Variants in CFAP97D2 observed in about 807,000 individuals in gnomAD.
CFAP97D2 encodes the protein uncharacterized protein CFAP97D2.
At chr13:114,210,627 G>A (rs2080962485) in intron 3 of CFAP97D2, among the ~76,000 whole-genome samples, 2 of 151,960 alleles carry the variant, frequency 1.3e-5, no homozygotes, top group South Asian at 2.1e-4. Context: ...CATGGGCAAC[G>A]TTGCCCAGCA....
Position 114,189,629 on chromosome 13 carries a change from C to A in CFAP97D2, c.91-6767C>A, listed in dbSNP as rs554118481. On this transcript the variant is annotated intron_variant, in intron 1 of 4. Coordinates refer to ENST00000646158, the Ensembl canonical transcript of CFAP97D2. This position sits in a 1 kb window ranked among gnomAD's most constrained non-coding sequence, Gnocchi z 4.5. ...TATAAAAAGTATTATATGCCATGACCAAGTGGGATTCATTCCAGGTATGCA... is the reference window on the plus strand; with the variant it reads ...TATAAAAAGTATTATATGCCATGACAAAGTGGGATTCATTCCAGGTATGCA... Among the ~76,000 whole-genome samples, 12 of 152,186 alleles carry A rather than the reference C, an allele frequency of 7.9e-5. No homozygotes were observed. Among genetic ancestry groups the A allele is most frequent in the African/African-American group, 2.9e-4 (12 of 41,526 alleles).
intron 2 of CFAP97D2, among the ~76,000 whole-genome samples, chr13:114,197,555 A>G (rs1177519517): frequency 6.6e-6 from 1 of 152,184 alleles, no homozygotes; most frequent in Non-Finnish European, 1.5e-5. Flanking sequence ...TGTGGTTTAC[A>G]TGACCCATCA....
At chr13:114,206,374 A>G (rs2080940361) in intron 3 of CFAP97D2, among the ~76,000 whole-genome samples, 1 of 152,198 alleles carries the variant, frequency 6.6e-6, no homozygotes, top group African/African-American at 2.4e-5. Context: ...AAGTGCTGGG[A>G]TTACAGGCGT....
intron 1 of CFAP97D2, among the ~76,000 whole-genome samples, chr13:114,183,895 C>T (rs1013892351): frequency 6.6e-6 from 1 of 152,216 alleles, no homozygotes; most frequent in Non-Finnish European, 1.5e-5. Flanking sequence ...TGCCTGTAAT[C>T]CCAGCACTTT....
chr13:114,180,869 G>C (rs1308669397), intron 1 of CFAP97D2, among the ~76,000 whole-genome samples: 1 of 152,236 alleles, frequency 6.6e-6, no homozygotes, highest in Non-Finnish European at 1.5e-5. Context: ...GAGTAACCAG[G>C]CTCTGTACCT....
At chr13:114,190,141 T>TA (rs34812100) in intron 1 of CFAP97D2, among the ~76,000 whole-genome samples, 2,161 of 148,172 alleles carry the variant, frequency 0.015, 43 homozygotes, top group African/African-American at 0.045. Context: ...GGCCCCGTCT[T>TA]AAAAAAAAAA....
intron 3 of CFAP97D2, among the ~76,000 whole-genome samples, chr13:114,210,100 T>A (rs1420382231): frequency 6.6e-6 from 1 of 152,216 alleles, no homozygotes; most frequent in Non-Finnish European, 1.5e-5. Context: ...TTTTGTATAT[T>A]TTCTGCATTT....
At chr13:114,184,566 AG>A (rs1175579172) in intron 1 of CFAP97D2, among the ~76,000 whole-genome samples, 1 of 152,234 alleles carries the variant, frequency 6.6e-6, no homozygotes, top group African/African-American at 2.4e-5. Flanking sequence ...ACCAGGAAAA[AG>A]TGTAGGGAGA....
At chr13:114,217,814 A>C (rs2081002397) in intron 4 of CFAP97D2, among the ~76,000 whole-genome samples, 1 of 152,244 alleles carries the variant, frequency 6.6e-6, no homozygotes. Context: ...GGCCTTTGAC[A>C]AAATTCAACA....
chr13:114,212,481 G>C (rs2080971543), intron 4 of CFAP97D2, among the ~76,000 whole-genome samples: 1 of 152,022 alleles, frequency 6.6e-6, no homozygotes, highest in Non-Finnish European at 1.5e-5. Context: ...TTGGGAGGCT[G>C]AGGTAGGAGC....
At chr13:114,197,091 T>C (rs2080891671) in intron 2 of CFAP97D2, among the ~76,000 whole-genome samples, 1 of 152,054 alleles carries the variant, frequency 6.6e-6, no homozygotes, top group East Asian at 1.9e-4. Context: ...TCAGGGGAAA[T>C]AGACTGTAAA....
rs112736892 is a variant in CFAP97D2 at position 114,212,283 on chromosome 13, T to C, written c.480+182T>C. On this transcript the variant is annotated intron_variant, in intron 4 of 4. Coordinates refer to ENST00000646158, the Ensembl canonical transcript of CFAP97D2. ...GTAACAGGAGATGCAAAACAGTCACTCAGCTGATGACCTCACCCACCACGC... is the reference window on the plus strand; with the variant it reads ...GTAACAGGAGATGCAAAACAGTCACCCAGCTGATGACCTCACCCACCACGC... 2.1e-3 allele frequency: 825 copies of C among 391,508 alleles called. 10 individuals carry two copies. The highest frequency in any genetic ancestry group is 0.015 in the African/African-American group (754 of 48,646). 24.3% of individuals were successfully genotyped at this position (391,508 alleles called of 1,614,324 possible).
At chr13:114,209,715 G>A (rs747215407) in intron 3 of CFAP97D2, among the ~76,000 whole-genome samples, 1 of 152,196 alleles carries the variant, frequency 6.6e-6, no homozygotes, top group Non-Finnish European at 1.5e-5. Context: ...ATTTAAGCAC[G>A]GTAAAAGAAA....
intron 3 of CFAP97D2, among the ~76,000 whole-genome samples, chr13:114,208,450 T>A (rs2080951349): frequency 6.6e-6 from 1 of 152,220 alleles, no homozygotes. Flanking sequence ...AATAATTCTT[T>A]AACCATGACA....
intron 2 of CFAP97D2, 150 bp downstream of exon 2, chr13:114,196,626 C>T (rs2080888729): frequency 2.5e-6 from 1 of 394,638 alleles, no homozygotes; most frequent in Non-Finnish European, 4.5e-6. Context: ...CCCGTCTGTC[C>T]GTGAGGGAGC....
intron 3 of CFAP97D2, among the ~76,000 whole-genome samples, chr13:114,204,505 A>G (rs2080931065): frequency 6.6e-6 from 1 of 152,216 alleles, no homozygotes; most frequent in African/African-American, 2.4e-5. Flanking sequence ...GCATTAAGAT[A>G]GACATATAAA....
intron 3 of CFAP97D2, among the ~76,000 whole-genome samples, chr13:114,201,357 G>C (rs2080917255): frequency 6.6e-6 from 1 of 152,184 alleles, no homozygotes; most frequent in African/African-American, 2.4e-5. Context: ...GCTTATAGTA[G>C]TTTCAGATTT....
rs2080928719 is a variant in CFAP97D2, at chr13:114,203,854, G to A, written c.290+3411G>A. Among the ~76,000 whole-genome samples, 1 of 152,210 alleles carries A rather than the reference G, an allele frequency of 6.6e-6. No homozygotes were observed. The highest frequency in any genetic ancestry group is 1.5e-5 in the Non-Finnish European group (1 of 68,038). On this transcript the variant is annotated intron_variant, in intron 3 of 4. Transcript: ENST00000646158. This position sits in a 1 kb window ranked among gnomAD's most constrained non-coding sequence, Gnocchi z 4.3. ...TTGTCAGATGGGGCAGAGATTCTGG[G>A]CATTTGGCTGTCTCAAACCCAATCT... is the stretch of plus-strand genomic sequence containing the variant.
intron 3 of CFAP97D2, among the ~76,000 whole-genome samples, chr13:114,209,420 C>T (rs968049711): frequency 6.6e-6 from 1 of 152,340 alleles, no homozygotes; most frequent in East Asian, 1.9e-4. Context: ...TCAGTTAAAA[C>T]GATGTCTCAA....
Sources: allele counts gnomAD v4.1 joint callset (sites outside exome capture counted in the v4.1 genomes callset), GRCh38; gene constraint gnomAD v4.1.1; non-coding constraint Gnocchi (gnomAD v3.1); transcripts MANE v1.5; gene names NCBI Gene and HGNC (gene_info 2026-07-23, HGNC 2026-07-21).